Variants in PAM observed in about 807,000 individuals in gnomAD.
PAM encodes peptidyl-glycine alpha-amidating monooxygenase.
In PAM, 72 loss-of-function variants were observed where a neutral mutation model predicts 122.1. The observed-to-expected ratio is 0.59, with a 90% CI of 0.49 to 0.72. The LOEUF is 0.72. PAM is among the 30% of genes least tolerant of loss of function. The pLI is 0.00. For synonymous variants in PAM, 389 were observed against 404.4 expected (o/e 0.96, Z 0.46); for missense variants, 1,106 against 1,183.7 (o/e 0.93, Z 0.96).
intron 13 of PAM, among the ~76,000 whole-genome samples, chr5:102,960,648 T>C (rs953280059): frequency 2.0e-5 from 3 of 151,924 alleles, no homozygotes; most frequent in African/African-American, 7.2e-5. Context: ...AGTCTACTCC[T>C]TGTTTTATCG....
rs150469595 is a variant in PAM, at chr5:103,003,079, A to G, written c.1660A>G (p.Ile554Val). ...FVYQQIGLGP[I>V]EEDTILVIDP... ...TTACCAGCAAATAGGACTCGGACCA[A>G]TTGAAGAAGACACTATTCTTGTCAT... Residue 554 changes from isoleucine to valine, a missense_variant, in exon 17 of 26, where the codon ATT (isoleucine) becomes GTT (valine). By Grantham distance (29) the Ile-to-Val change is conservative. This residue lies in a region of PAM where 670 missense variants were observed against 690.3 expected (regional missense o/e 0.97). Transcript: ENST00000438793. 947 of 1,609,394 alleles carry G rather than the reference A, an allele frequency of 5.9e-4. No individual in the cohort carries two copies. Among genetic ancestry groups the G allele is most frequent in the Non-Finnish European group, 7.6e-4 (889 of 1,175,860 alleles).
At chr5:102,837,000 C>G (rs1216342607) in intron 1 of PAM, among the ~76,000 whole-genome samples, 1 of 152,032 alleles carries the variant, frequency 6.6e-6, no homozygotes, top group Non-Finnish European at 1.5e-5. Flanking sequence ...TTCTCCTGCT[C>G]TTTTTCTTTA....
chr5:102,891,329 A>G (rs1048902061), intron 3 of PAM, among the ~76,000 whole-genome samples: 1 of 151,914 alleles, frequency 6.6e-6, no homozygotes, highest in South Asian at 2.1e-4. Flanking sequence ...TTTACGACAT[A>G]TAAAGGAAAA....
At chr5:102,943,054 G>C (rs1253661075) in intron 7 of PAM, among the ~76,000 whole-genome samples, 1 of 152,120 alleles carries the variant, frequency 6.6e-6, no homozygotes, top group Non-Finnish European at 1.5e-5. Context: ...GTGGTGAATT[G>C]AAAATCACTC....
chr5:102,765,109 C>CA (rs1753495893), intron 1 of PAM, among the ~76,000 whole-genome samples: 1 of 152,198 alleles, frequency 6.6e-6, no homozygotes, highest in Admixed American at 6.5e-5. Context: ...TCAGCCTACT[C>CA]AGTCTATGTG....
intron 15 of PAM, among the ~76,000 whole-genome samples, chr5:102,985,612 T>A (rs1297569466): frequency 6.6e-6 from 1 of 151,458 alleles, no homozygotes; most frequent in East Asian, 1.9e-4. Flanking sequence ...ATGAAAAAAA[T>A]CTCCCATCAA....
intron 3 of PAM, among the ~76,000 whole-genome samples, chr5:102,880,841 A>G (rs1458459142): frequency 6.6e-6 from 1 of 152,174 alleles, no homozygotes; most frequent in East Asian, 1.9e-4. Context: ...TTAAAAATGG[A>G]AAACATCAAC....
rs1019735559 is a variant in PAM, at chr5:103,007,489, T to A, written c.2047T>A (p.Phe683Ile). Residue 683 changes from phenylalanine (F) to isoleucine (I), a missense_variant, in exon 20 of 26, where the codon TTC becomes ATC. Transcript: ENST00000438793. ...AGGGAGCAGTCCTCTGCCAGGCCAG[T>A]TCACTGTTCCTCACAGCTTGGCTCT... ...SSGSSPLPGQ[F>I]TVPHSLALVP... 1.2e-6 allele frequency: 2 copies of A among 1,614,092 alleles called. No homozygotes were observed. Among genetic ancestry groups the A allele is most frequent in the Middle Eastern group, 1.7e-4 (1 of 6,058 alleles).
At chr5:102,947,570 G>A (rs970113777) in intron 8 of PAM, among the ~76,000 whole-genome samples, 10 of 152,094 alleles carry the variant, frequency 6.6e-5, no homozygotes, top group African/African-American at 2.2e-4. Flanking sequence ...TACTAATTGA[G>A]TTCAGTGTAT....
In PAM at chr5:103,006,911, G is replaced by A; in HGVS notation, c.1914G>A (p.Val638=). Residue 638 remains valine, a synonymous_variant, in exon 19 of 26, where the codon GTG becomes GTA. Transcript: ENST00000438793. ...NHFCQPTDVA[V]DPGTGAIYVS... is the part of the protein sequence containing the mutation. Reference sequence around the variant, plus strand: ...TCTGTCAACCCACTGATGTGGCTGTGGATCCAGGCACTGGAGCCATTTATG... The same window carrying A: ...TCTGTCAACCCACTGATGTGGCTGTAGATCCAGGCACTGGAGCCATTTATG... 1.2e-6 allele frequency: 2 copies of A among 1,613,906 alleles called. No individual in the cohort carries two copies. Among genetic ancestry groups the A allele is most frequent in the South Asian group, 2.2e-5 (2 of 91,080 alleles).
At chr5:102,778,274 A>G (rs1757714054) in intron 1 of PAM, among the ~76,000 whole-genome samples, 1 of 152,072 alleles carries the variant, frequency 6.6e-6, no homozygotes, top group African/African-American at 2.4e-5. Context: ...TTATATGTTT[A>G]TATTCGTTCT....
At chr5:102,856,226 C>T (rs1420307496) in intron 1 of PAM, among the ~76,000 whole-genome samples, 5 of 152,150 alleles carry the variant, frequency 3.3e-5, no homozygotes, top group African/African-American at 4.8e-5. Flanking sequence ...GCCCAAAAGT[C>T]TGTTCCCCTG....
At chr5:103,005,295 T>G in intron 18 of PAM, 69 bp downstream of exon 18, 1 of 867,570 alleles carries the variant, frequency 1.2e-6, no homozygotes, top group Non-Finnish European at 1.9e-6. Context: ...GCTCTGGAGT[T>G]GTATGGGTTT....
rs529590948 is a variant in PAM at position 102,786,616 on chromosome 5, C to A, written c.-374+31268C>A. 3.9e-5 allele frequency among the ~76,000 whole-genome samples: 6 copies of A among 152,166 alleles called. No homozygotes were observed. In the South Asian group the frequency reaches 1.2e-3, roughly 32 times the overall value. ...ATGGAGAAAATGGAGAAAGGCATCA[C>A]AAATGTAGTATAATTTCTAAATAAA... On this transcript the variant is annotated intron_variant, in intron 1 of 25. Transcript: ENST00000438793.
At chr5:102,968,349 C>A (rs1232463621) in intron 14 of PAM, among the ~76,000 whole-genome samples, 1 of 152,178 alleles carries the variant, frequency 6.6e-6, no homozygotes, top group Non-Finnish European at 1.5e-5. Flanking sequence ...CCGTCTCCTT[C>A]AAATCCCAGT....
intron 1 of PAM, among the ~76,000 whole-genome samples, chr5:102,850,559 C>T (rs1781107799): frequency 6.6e-6 from 1 of 152,214 alleles, no homozygotes; most frequent in Non-Finnish European, 1.5e-5. Flanking sequence ...CTGTGAGCAT[C>T]ACTGCTCACT....
chr5:102,965,162 GACAC>G (rs66633444), intron 14 of PAM, among the ~76,000 whole-genome samples: 1,856 of 138,754 alleles, frequency 0.013, 26 homozygotes, highest in South Asian at 0.091. Context: ...TTCCAAAGCA[GACAC>G]ACACACACAC....
chr5:102,760,288 A>G (rs984459830), intron 1 of PAM, among the ~76,000 whole-genome samples: 1 of 152,178 alleles, frequency 6.6e-6, no homozygotes, highest in East Asian at 1.9e-4. Flanking sequence ...GAGTTTCAGG[A>G]CATTGGCACA....
In PAM at chr5:102,853,853, T is replaced by C. The variant is rs951612823; in HGVS notation, c.-373-11970T>C. Among the ~76,000 whole-genome samples, 8 of 152,380 alleles carry C rather than the reference T, an allele frequency of 5.3e-5. No homozygotes were observed. The East Asian group carries it at 1.2e-3, about 22-fold the overall frequency. ...CTGCCAGGAAATGAGCATTGTGCGA[T>C]GTGAAACAATAACACTTCTCACACT... On this transcript the variant is annotated intron_variant, in intron 1 of 25. Coordinates refer to ENST00000438793, the MANE Select transcript of PAM (RefSeq NM_001177306.2).
Sources: allele counts gnomAD v4.1 joint callset (sites outside exome capture counted in the v4.1 genomes callset), GRCh38; gene constraint gnomAD v4.1.1; regional missense constraint gnomAD v4.1.1; transcripts MANE v1.5; gene names NCBI Gene and HGNC (gene_info 2026-07-23, HGNC 2026-07-21).